FOXP1: variants seen among roughly 807,000 people sequenced by gnomAD.
FOXP1 encodes the protein forkhead box P1.
A neutral mutation model predicts 98.2 loss-of-function variants in FOXP1; 15 were observed. That is an observed-to-expected ratio of 0.15 (90% CI 0.10 to 0.24). The LOEUF (loss-of-function observed/expected upper bound fraction) is 0.24. Among genes scored for constraint, FOXP1 ranks in the 10% least tolerant of loss-of-function variants. The probability of loss-of-function intolerance (pLI) is 1.00; values close to 1 mark genes in which losing one functional copy is unlikely to be tolerated. For missense variants in FOXP1, 633 were observed against 848.5 expected, an observed-to-expected ratio of 0.75 and a Z score of 3.15; for synonymous variants, 371 against 314.5, an observed-to-expected ratio of 1.18 and a Z score of -1.90.
chr3:71,223,827 C>T (rs1172096112), intron 5 of FOXP1, among the ~76,000 whole-genome samples: 2 of 152,054 alleles, frequency 1.3e-5, no homozygotes, highest in Non-Finnish European at 2.9e-5. Flanking sequence ...CCAGGAGTAC[C>T]CCATTACTGC....
At chr3:71,366,250 A>G (rs570042554) in intron 3 of FOXP1, among the ~76,000 whole-genome samples, 1 of 152,284 alleles carries the variant, frequency 6.6e-6, no homozygotes, top group Non-Finnish European at 1.5e-5. Context: ...AGTGTAAAAG[A>G]TGATTTGAGA....
intron 6 of FOXP1, among the ~76,000 whole-genome samples, chr3:71,127,120 A>G (rs2059265767): frequency 1.3e-5 from 2 of 152,152 alleles, no homozygotes; most frequent in South Asian, 2.1e-4. Flanking sequence ...AAAGCTTTCA[A>G]CGAAGGAGTC....
intron 4 of FOXP1, among the ~76,000 whole-genome samples, chr3:71,325,726 T>C (rs1483470060): frequency 6.6e-6 from 1 of 152,034 alleles, no homozygotes; most frequent in Non-Finnish European, 1.5e-5. Flanking sequence ...CAGGCTGAAG[T>C]GCAGTGGCTA....
At chr3:71,396,989 T>C in intron 3 of FOXP1, among the ~76,000 whole-genome samples, 1 of 79,618 alleles carries the variant, frequency 1.3e-5, no homozygotes, top group African/African-American at 5.8e-5. Flanking sequence ...TATGTGTATA[T>C]ATATACACAT....
chr3:71,194,261 C>CAAAAA (rs11445848), intron 6 of FOXP1, among the ~76,000 whole-genome samples: 2 of 113,736 alleles, frequency 1.8e-5, no homozygotes, highest in African/African-American at 5.7e-5. Flanking sequence ...CAGGTGGTAC[C>CAAAAA]AAAAAAAAAA....
intron 6 of FOXP1, among the ~76,000 whole-genome samples, chr3:71,154,335 C>T (rs2060719114): frequency 6.6e-6 from 1 of 152,122 alleles, no homozygotes; most frequent in Non-Finnish European, 1.5e-5. Context: ...AAAACTTCTT[C>T]CACCTCTATC....
At chr3:71,413,034 C>T (rs553191862) in intron 3 of FOXP1, among the ~76,000 whole-genome samples, 4 of 152,082 alleles carry the variant, frequency 2.6e-5, no homozygotes, top group East Asian at 1.9e-4. Flanking sequence ...CACAGGGCTT[C>T]GTCTTTGAAA....
At chr3:71,034,807 A>AAAT (rs1395887098) in intron 11 of FOXP1, among the ~76,000 whole-genome samples, 3 of 152,156 alleles carry the variant, frequency 2.0e-5, no homozygotes, top group Non-Finnish European at 4.4e-5. Flanking sequence ...GAAAGGAAGC[A>AAAT]AATGGGGTCT....
chr3:71,405,139 G>A (rs2082227843), intron 3 of FOXP1, among the ~76,000 whole-genome samples: 2 of 152,182 alleles, frequency 1.3e-5, no homozygotes, highest in Non-Finnish European at 2.9e-5. Context: ...GGGCAAGGAT[G>A]CATGGCCCCA....
At chr3:71,338,062 G>A in intron 4 of FOXP1, among the ~76,000 whole-genome samples, 1 of 152,154 alleles carries the variant, frequency 6.6e-6, no homozygotes. Context: ...ATTCGAAAGA[G>A]GTGTACGAAA....
At chr3:71,316,324 T>A (rs997345212) in intron 4 of FOXP1, among the ~76,000 whole-genome samples, 2 of 152,068 alleles carry the variant, frequency 1.3e-5, no homozygotes, top group African/African-American at 2.4e-5. Context: ...ATGGTGAGGG[T>A]TTCCCAGAGC....
At chr3:71,441,570 C>T (rs1044021340) in intron 3 of FOXP1, among the ~76,000 whole-genome samples, 2 of 152,172 alleles carry the variant, frequency 1.3e-5, no homozygotes, top group African/African-American at 2.4e-5. Flanking sequence ...TCCTACGATG[C>T]CCCCGGCGTC....
rs772225020 is a variant in FOXP1 at position 70,978,015 on chromosome 3, T to C, written c.1161A>G (p.Ser387=). The C allele has an allele frequency of 2.5e-6, 4 of 1,613,962 alleles. No individual in the cohort carries two copies. The highest frequency in any genetic ancestry group is 1.7e-6 in the Non-Finnish European group (2 of 1,179,918). ...KAAPQPLNLV[S]SVTLSKSASE... Reference sequence around the variant, plus strand: ...ATGCGGACTTGGAGAGAGTGACACTTGATACCAGATTCAACTGCAAGGAAA... The same window carrying C: ...ATGCGGACTTGGAGAGAGTGACACTCGATACCAGATTCAACTGCAAGGAAA... Residue 387 remains serine (S), a synonymous_variant, in exon 15 of 21, where the codon TCA becomes TCG. Transcript: ENST00000649528.
chr3:71,315,441 G>T (rs1404214123), intron 4 of FOXP1, among the ~76,000 whole-genome samples: 1 of 152,174 alleles, frequency 6.6e-6, no homozygotes, highest in South Asian at 2.1e-4. Flanking sequence ...ACAGATTTGG[G>T]ATAAACTGTG....
intron 7 of FOXP1, among the ~76,000 whole-genome samples, chr3:71,066,468 G>A (rs991258893): frequency 6.6e-6 from 1 of 152,106 alleles, no homozygotes; most frequent in Non-Finnish European, 1.5e-5. Context: ...AGAGAACCAA[G>A]GGCTCTTTTG....
At chr3:71,484,188 G>A (rs1443838755) in intron 3 of FOXP1, among the ~76,000 whole-genome samples, 1 of 152,188 alleles carries the variant, frequency 6.6e-6, no homozygotes, top group Non-Finnish European at 1.5e-5. Context: ...TGGAGAGATT[G>A]ACAGGAAATG....
intron 3 of FOXP1, among the ~76,000 whole-genome samples, chr3:71,432,735 G>C (rs1457647373): frequency 6.6e-6 from 1 of 151,086 alleles, no homozygotes; most frequent in Non-Finnish European, 1.5e-5. Context: ...CAAAGAAGCA[G>C]AACTCAGCAT....
intron 3 of FOXP1, among the ~76,000 whole-genome samples, chr3:71,482,146 T>G (rs1469093522): frequency 2.6e-5 from 4 of 152,098 alleles, no homozygotes; most frequent in African/African-American, 7.2e-5. Flanking sequence ...TTAAGGAACA[T>G]TTAGAAGAAA....
chr3:71,101,953 TCTA>T (rs1192838073), intron 7 of FOXP1, among the ~76,000 whole-genome samples: 6 of 152,312 alleles, frequency 3.9e-5, no homozygotes, highest in Admixed American at 6.5e-5. Context: ...AGCTTTAAAT[TCTA>T]CTACTTAAGT....
Sources: gnomAD v4.1 joint callset for allele counts (sites outside exome capture counted in the v4.1 genomes callset) on GRCh38, gnomAD v4.1.1 for gene constraint, MANE v1.5 for transcripts, NCBI Gene and HGNC (gene_info 2026-07-23, HGNC 2026-07-21) for gene names.